PPM1L: variants seen among roughly 807,000 people sequenced by gnomAD.
PPM1L encodes the protein protein phosphatase 1L.
PPM1L carries 13 observed loss-of-function variants against 31.4 expected under a neutral mutation model. That is an observed-to-expected ratio of 0.41 (90% CI 0.27 to 0.66). The LOEUF is 0.66. PPM1L is among the 30% of genes least tolerant of loss of function. The probability of loss-of-function intolerance (pLI) is 0.29; values close to 1 mark genes in which losing one functional copy is unlikely to be tolerated. For missense variants in PPM1L, 326 were observed against 453.7 expected (o/e 0.72, Z 2.56); for synonymous variants, 184 against 175.4 (o/e 1.05, Z -0.39).
At chr3:160,814,976 A>G (rs896303279) in intron 1 of PPM1L, among the ~76,000 whole-genome samples, 5 of 152,102 alleles carry the variant, frequency 3.3e-5, no homozygotes, top group African/African-American at 7.2e-5. Flanking sequence ...CATAAGAATG[A>G]TACAATGGAC....
chr3:161,011,282 C>T (rs1365611800), intron 2 of PPM1L, among the ~76,000 whole-genome samples: 1 of 152,140 alleles, frequency 6.6e-6, no homozygotes, highest in Non-Finnish European at 1.5e-5. Flanking sequence ...GAATCCTTTC[C>T]CCATTTCTTG....
chr3:160,830,081 C>T (rs1713478812), intron 1 of PPM1L, among the ~76,000 whole-genome samples: 1 of 152,104 alleles, frequency 6.6e-6, no homozygotes, highest in South Asian at 2.1e-4. Context: ...TGAATCTTGG[C>T]CTTGTGAGCT....
At chr3:161,040,383 G>A (rs566708834) in intron 2 of PPM1L, among the ~76,000 whole-genome samples, 1 of 152,102 alleles carries the variant, frequency 6.6e-6, no homozygotes, top group East Asian at 1.9e-4. Context: ...TTGTATCGAG[G>A]GACTGATATA....
At chr3:160,861,225 G>A (rs572027487) in intron 1 of PPM1L, among the ~76,000 whole-genome samples, 16 of 152,286 alleles carry the variant, frequency 1.1e-4, no homozygotes, top group African/African-American at 3.6e-4. Context: ...AGAGTACAAT[G>A]GAAGTTGTAT....
intron 1 of PPM1L, among the ~76,000 whole-genome samples, chr3:160,757,327 T>G (rs1419539991): frequency 1.3e-5 from 2 of 152,372 alleles, no homozygotes; most frequent in South Asian, 4.1e-4. Flanking sequence ...TTGTTTTCAC[T>G]AGGATCTCAG....
At position 161,042,705 on chromosome 3, in the gene PPM1L, G is replaced by A. The variant is rs574076168; in HGVS notation, c.575-22698G>A. Among the ~76,000 whole-genome samples, 128 of 152,276 alleles carry A rather than the reference G, an allele frequency of 8.4e-4. 1 individual carries two copies. The highest frequency in any genetic ancestry group is 3.0e-3 in the African/African-American group (123 of 41,568). On this transcript the variant is annotated intron_variant, in intron 2 of 3. Coordinates refer to ENST00000498165, the MANE Select transcript of PPM1L (RefSeq NM_139245.4). ...TAAGCAAAATTCAATTATGTGAATC[G>A]TACTTAATATTTAAAAACATTGTGG... is the stretch of plus-strand genomic sequence containing the variant.
intron 1 of PPM1L, among the ~76,000 whole-genome samples, chr3:160,865,523 C>A (rs1477638230): frequency 6.6e-6 from 1 of 152,172 alleles, no homozygotes; most frequent in East Asian, 1.9e-4. Flanking sequence ...CACCTGTAAT[C>A]CCAGCAATTT....
intron 1 of PPM1L, among the ~76,000 whole-genome samples, chr3:160,930,586 T>A (rs908418167): frequency 1.3e-5 from 2 of 152,138 alleles, no homozygotes; most frequent in Non-Finnish European, 2.9e-5. Flanking sequence ...AGGTGAGATA[T>A]GGTGCAAGGA....
At chr3:160,876,853 T>C (rs2108034165) in intron 1 of PPM1L, among the ~76,000 whole-genome samples, 2 of 152,354 alleles carry the variant, frequency 1.3e-5, no homozygotes, top group Middle Eastern at 6.8e-3. Flanking sequence ...TTTAGAGTCT[T>C]GCACACAGCA....
intron 1 of PPM1L, among the ~76,000 whole-genome samples, chr3:160,876,941 A>G (rs1712533917): frequency 1.3e-5 from 2 of 152,212 alleles, no homozygotes; most frequent in Admixed American, 1.3e-4. Context: ...TAGGCAACCA[A>G]TCATAGGCTA....
At chr3:160,848,591 T>C (rs1294495922) in intron 1 of PPM1L, among the ~76,000 whole-genome samples, 1 of 152,222 alleles carries the variant, frequency 6.6e-6, no homozygotes, top group African/African-American at 2.4e-5. Context: ...CTTGTCCTTC[T>C]CTACCTTGCA....
chr3:161,012,184 T>G (rs1433710923), intron 2 of PPM1L, among the ~76,000 whole-genome samples: 1 of 152,196 alleles, frequency 6.6e-6, no homozygotes, highest in Admixed American at 6.5e-5. Flanking sequence ...TATTTTGAGG[T>G]ACGTCCCATC....
Position 161,044,914 on chromosome 3 carries a change from G to A in PPM1L, c.575-20489G>A, listed in dbSNP as rs570050129. 1.8e-4 allele frequency among the ~76,000 whole-genome samples: 28 copies of A among 152,206 alleles called. No individual in the cohort carries two copies. In the South Asian group the frequency reaches 5.8e-3, roughly 32 times the overall value. On this transcript the variant is annotated intron_variant, in intron 2 of 3. Coordinates refer to ENST00000498165, the MANE Select transcript of PPM1L (RefSeq NM_139245.4). Reference sequence around the variant, plus strand: ...GAGACACACATAGGCTCAAAATAAAGGGATGGAGGAAGATCTACCAAGCAA... The same window carrying A: ...GAGACACACATAGGCTCAAAATAAAAGGATGGAGGAAGATCTACCAAGCAA...
At chr3:160,861,325 T>C (rs963873018) in intron 1 of PPM1L, among the ~76,000 whole-genome samples, 14 of 152,218 alleles carry the variant, frequency 9.2e-5, no homozygotes, top group African/African-American at 3.1e-4. Context: ...CTGAAGATAC[T>C]GATAGCTTTA....
chr3:161,043,802 C>A (rs1718977502), intron 2 of PPM1L, among the ~76,000 whole-genome samples: 1 of 152,098 alleles, frequency 6.6e-6, no homozygotes, highest in Non-Finnish European at 1.5e-5. Context: ...CCCTAAGAGC[C>A]CTTTCAGCAG....
At chr3:160,786,310 C>T (rs911373646) in intron 1 of PPM1L, among the ~76,000 whole-genome samples, 3 of 145,424 alleles carry the variant, frequency 2.1e-5, no homozygotes, top group East Asian at 4.1e-4. Context: ...CTCTGCCTCT[C>T]GAGTTCAAGC....
At position 161,038,584 on chromosome 3, in the gene PPM1L, T is replaced by TA. The variant is rs1205054779; in HGVS notation, c.575-26819_575-26818insA. 9.3e-3 allele frequency among the ~76,000 whole-genome samples: 940 copies of TA among 100,714 alleles called. 24 individuals are homozygous for TA. Among genetic ancestry groups the TA allele is most frequent in the African/African-American group, 0.046 (849 of 18,478 alleles). 66.1% of individuals were successfully genotyped at this position (100,714 alleles called of 152,430 possible). A position where few individuals can be genotyped will look rare whatever the true frequency, so the allele number is the denominator to read the frequency against. Reference sequence around the variant, plus strand: ...GCCTCCCAAAATGCTGGGATTTGTTTTAAAAAAAAAAAAAAAAAAAAAAAA... The same window carrying TA: ...GCCTCCCAAAATGCTGGGATTTGTTTATAAAAAAAAAAAAAAAAAAAAAAAA... On this transcript the variant is annotated intron_variant, in intron 2 of 3. Coordinates refer to ENST00000498165, the MANE Select transcript of PPM1L (RefSeq NM_139245.4).
intron 1 of PPM1L, among the ~76,000 whole-genome samples, chr3:160,891,999 G>A (rs1033987785): frequency 2.0e-5 from 3 of 152,146 alleles, no homozygotes; most frequent in Non-Finnish European, 4.4e-5. Context: ...CCTGTCAGGG[G>A]GTGGAGGGCT....
intron 2 of PPM1L, among the ~76,000 whole-genome samples, chr3:160,974,879 A>C (rs1324654708): frequency 2.7e-5 from 4 of 148,318 alleles, no homozygotes; most frequent in African/African-American, 1.0e-4. Flanking sequence ...TAGTTTAATT[A>C]GATCCCATTT....
Sources: allele counts gnomAD v4.1 joint callset (sites outside exome capture counted in the v4.1 genomes callset), GRCh38; gene constraint gnomAD v4.1.1; transcripts MANE v1.5; gene names NCBI Gene and HGNC (gene_info 2026-07-23, HGNC 2026-07-21).